The following CSMD1 variants were observed in gnomAD, a reference collection of about 807,000 sequenced individuals.
The protein encoded by CSMD1 is CUB and Sushi multiple domains 1.
Under a neutral mutation model 417.5 loss-of-function variants are expected in CSMD1, and 213 were observed. The ratio of observed to expected loss-of-function variants is 0.51; its 90% CI spans 0.46 to 0.57. The LOEUF (loss-of-function observed/expected upper bound fraction) is 0.57. CSMD1 is among the 20% of genes least tolerant of loss of function. The probability of loss-of-function intolerance (pLI) is 0.00; values close to 1 mark genes in which losing one functional copy is unlikely to be tolerated. For synonymous variants in CSMD1, 2,862 were observed against 1,736.8 expected (o/e 1.65, Z -16.11); for missense variants, 6,923 against 4,529.7 (o/e 1.53, Z -15.17).
intron 1 of CSMD1, among the ~76,000 whole-genome samples, chr8:4,730,719 C>T (rs187358845): frequency 8.0e-5 from 12 of 149,866 alleles, no homozygotes; most frequent in East Asian, 7.8e-4. Context: ...CCAGCCTGGG[C>T]GACAGAGCGA....
intron 25 of CSMD1, among the ~76,000 whole-genome samples, chr8:3,291,190 G>A (rs1563232280): frequency 2.0e-5 from 3 of 152,128 alleles, no homozygotes; most frequent in Middle Eastern, 3.2e-3. Flanking sequence ...TGATCATTGT[G>A]GATAAACTTT....
intron 5 of CSMD1, among the ~76,000 whole-genome samples, chr8:3,946,150 T>C (rs1000907460): frequency 6.6e-6 from 1 of 152,100 alleles, no homozygotes; most frequent in African/African-American, 2.4e-5. Context: ...ATAATCCCAA[T>C]GCACCCTTTG....
At chr8:4,050,188 T>A (rs73183981) in intron 3 of CSMD1, among the ~76,000 whole-genome samples, 57 of 152,240 alleles carry the variant, frequency 3.7e-4, no homozygotes, top group Non-Finnish European at 1.3e-4. Context: ...ACTCTGGATG[T>A]TGACTTGATC....
At chr8:4,278,133 T>G (rs945377906) in intron 3 of CSMD1, among the ~76,000 whole-genome samples, 1 of 152,214 alleles carries the variant, frequency 6.6e-6, no homozygotes, top group East Asian at 1.9e-4. Flanking sequence ...CTCATATAAC[T>G]TCCACCAAAG....
intron 1 of CSMD1, among the ~76,000 whole-genome samples, chr8:4,703,840 T>G (rs529725389): frequency 1.1e-3 from 162 of 152,140 alleles, no homozygotes; most frequent in Non-Finnish European, 1.8e-3. Context: ...CAGGGACCAG[T>G]TCTCTGGCAG....
chr8:3,637,007 A>C (rs1448831316), intron 7 of CSMD1, among the ~76,000 whole-genome samples: 4 of 152,198 alleles, frequency 2.6e-5, no homozygotes, highest in Middle Eastern at 3.4e-3. Context: ...CTTGTTGCCC[A>C]TCTGCCTTCC....
intron 41 of CSMD1, among the ~76,000 whole-genome samples, chr8:3,124,112 A>G (rs988461520): frequency 1.3e-5 from 2 of 152,154 alleles, no homozygotes; most frequent in South Asian, 2.1e-4. Context: ...TCTTTTCTCA[A>G]TGGCAACAAA....
At chr8:3,460,046 C>T (rs1816398712) in intron 12 of CSMD1, among the ~76,000 whole-genome samples, 1 of 152,114 alleles carries the variant, frequency 6.6e-6, no homozygotes, top group African/African-American at 2.4e-5. Flanking sequence ...AGGTGTGGGG[C>T]ATAAAGAGGT....
chr8:3,644,845 T>C (rs1797494668), intron 7 of CSMD1, among the ~76,000 whole-genome samples: 1 of 151,932 alleles, frequency 6.6e-6, no homozygotes, highest in African/African-American at 2.4e-5. Flanking sequence ...TGTGGTAACC[T>C]TCGTTTCCTA....
chr8:3,661,946 A>G (rs1248487187), intron 7 of CSMD1, among the ~76,000 whole-genome samples: 3 of 152,212 alleles, frequency 2.0e-5, no homozygotes, highest in Non-Finnish European at 4.4e-5. Flanking sequence ...TTGAGGGAAG[A>G]GAGAAAATGA....
intron 7 of CSMD1, among the ~76,000 whole-genome samples, chr8:3,628,455 T>C (rs763950040): frequency 6.6e-6 from 1 of 152,196 alleles, no homozygotes; most frequent in Non-Finnish European, 1.5e-5. Context: ...TGAATTTGAA[T>C]TATTTTAAAA....
rs369290678 is a variant in CSMD1 at position 3,274,971 on chromosome 8, A to T, written c.4153+9173T>A. On this transcript the variant is annotated intron_variant, in intron 26 of 69. Transcript: ENST00000635120. ...TATGTGTGAATTTGATCCTGTCATTATGATGTTAGCTGGTTATTTTGCTCG... is the reference window on the plus strand; with the variant it reads ...TATGTGTGAATTTGATCCTGTCATTTTGATGTTAGCTGGTTATTTTGCTCG... Among the ~76,000 whole-genome samples the T allele has an allele frequency of 8.5e-5, 13 of 152,252 alleles. No homozygotes were observed. In the East Asian group the frequency reaches 2.3e-3, roughly 27 times the overall value.
intron 10 of CSMD1, among the ~76,000 whole-genome samples, chr8:3,512,765 C>T (rs549295058): frequency 1.9e-3 from 292 of 152,050 alleles, no homozygotes; most frequent in African/African-American, 6.3e-3. Context: ...CATGCCACCA[C>T]ACGCAGGTTT....
At chr8:4,119,297 A>T (rs1267153526) in intron 3 of CSMD1, among the ~76,000 whole-genome samples, 1 of 152,190 alleles carries the variant, frequency 6.6e-6, no homozygotes, top group African/African-American at 2.4e-5. Flanking sequence ...ACCCAAATCT[A>T]AATGTCAACA....
intron 6 of CSMD1, among the ~76,000 whole-genome samples, chr8:3,730,334 C>T (rs987696882): frequency 8.6e-5 from 13 of 151,292 alleles, no homozygotes; most frequent in African/African-American, 2.2e-4. Flanking sequence ...CACACTGATG[C>T]ATTCTCCTCA....
chr8:4,583,976 G>C (rs1367749297), intron 2 of CSMD1, among the ~76,000 whole-genome samples: 3 of 151,938 alleles, frequency 2.0e-5, no homozygotes, highest in African/African-American at 7.3e-5. Context: ...AAGCCAACGA[G>C]ACCACAAGCC....
At chr8:3,784,036 G>A (rs978172129) in intron 5 of CSMD1, among the ~76,000 whole-genome samples, 1 of 152,182 alleles carries the variant, frequency 6.6e-6, no homozygotes, top group Admixed American at 6.5e-5. Flanking sequence ...CAACATGCCT[G>A]ACAGCACTGT....
chr8:3,058,389 A>T (rs938379302), intron 49 of CSMD1, among the ~76,000 whole-genome samples: 2 of 152,198 alleles, frequency 1.3e-5, no homozygotes, highest in African/African-American at 4.8e-5. Context: ...GACAGTAAAT[A>T]TATACAAATA....
chr8:3,521,036 C>G (rs1032696824), intron 10 of CSMD1, among the ~76,000 whole-genome samples: 2 of 152,136 alleles, frequency 1.3e-5, no homozygotes, highest in Non-Finnish European at 2.9e-5. Context: ...TCACCTGTCA[C>G]CCCTAGAACT....
Sources: gnomAD v4.1 joint callset for allele counts (sites outside exome capture counted in the v4.1 genomes callset) on GRCh38, gnomAD v4.1.1 for gene constraint, MANE v1.5 for transcripts, NCBI Gene and HGNC (gene_info 2026-07-23, HGNC 2026-07-21) for gene names.